Variants in FCRL4 observed in about 807,000 individuals in gnomAD.
FCRL4 encodes the protein Fc receptor-like protein 4.
Under a neutral mutation model 64.1 loss-of-function variants are expected in FCRL4, and 43 were observed. That is an observed-to-expected ratio of 0.67 (90% CI 0.53 to 0.87). The LOEUF (loss-of-function observed/expected upper bound fraction) is 0.87, where lower values mean the gene tolerates loss of function less well. FCRL4 is among the 40% of genes least tolerant of loss of function. FCRL4 has a pLI of 0.00. For synonymous variants in FCRL4, 253 were observed against 239.8 expected (o/e 1.05, Z -0.51); for missense variants, 656 against 613.5 (o/e 1.07, Z -0.73).
At chr1:157,584,465 G>A (rs1407251095) in intron 6 of FCRL4, among the ~76,000 whole-genome samples, 1 of 151,840 alleles carries the variant, frequency 6.6e-6, no homozygotes, top group African/African-American at 2.4e-5. Flanking sequence ...GAACCCAGAA[G>A]GTCAAGGCTG....
At chr1:157,596,781 G>C (rs1652976351) in intron 1 of FCRL4, among the ~76,000 whole-genome samples, 1 of 152,160 alleles carries the variant, frequency 6.6e-6, no homozygotes, top group Non-Finnish European at 1.5e-5. Context: ...ACAGACAGTA[G>C]AGGGTAGTAG....
At chr1:157,592,720 G>A (rs2101687182) in intron 2 of FCRL4, among the ~76,000 whole-genome samples, 1 of 152,298 alleles carries the variant, frequency 6.6e-6, no homozygotes, top group Non-Finnish European at 1.5e-5. Flanking sequence ...ATTTGACCAA[G>A]CCATCCCATT....
Position 157,579,698 on chromosome 1 carries a change from C to CAATA in FCRL4, c.1277+619_1277+622dup, listed in dbSNP as rs1238920563. Among the ~76,000 whole-genome samples, 28 of 75,228 alleles carry CAATA rather than the reference C, an allele frequency of 3.7e-4. No homozygotes were observed. In the East Asian group the frequency reaches 8.0e-3, roughly 21 times the overall value. The allele number at this position is 75,228 out of a possible 152,430, so 49.4% of individuals were successfully genotyped here. A position where few individuals can be genotyped will look rare whatever the true frequency, so the allele number is the denominator to read the frequency against. On this transcript the variant is annotated intron_variant, in intron 8 of 11. Coordinates refer to ENST00000271532, the MANE Select transcript of FCRL4 (RefSeq NM_031282.3). ...TGCCACTGCACTCCAGCCTGGGTGACAATACATACATACATACATACATAC... is the reference window on the plus strand; with the variant it reads ...TGCCACTGCACTCCAGCCTGGGTGACAATAAATACATACATACATACATACATAC...
Position 157,575,693 on chromosome 1 carries a change from A to G in FCRL4, c.1461+6T>C, listed in dbSNP as rs140634688. On this transcript the variant is annotated splice_donor_region_variant and intron_variant, in intron 11 of 11. Coordinates refer to ENST00000271532, the MANE Select transcript of FCRL4 (RefSeq NM_031282.3). ...GGAGATAAAACTGTGGGGAAATGAA[A>G]CTCACCTTATCCTCTAGAAGTGTCC... is the stretch of plus-strand genomic sequence containing the variant. The G allele has an allele frequency of 2.0e-3, 3,228 of 1,613,572 alleles. 17 individuals carry two copies. The highest frequency in any genetic ancestry group is 5.1e-3 in the Middle Eastern group (31 of 6,056).
intron 2 of FCRL4, among the ~76,000 whole-genome samples, chr1:157,595,382 G>A (rs1350992170): frequency 6.6e-6 from 1 of 152,194 alleles, no homozygotes; most frequent in Admixed American, 6.5e-5. Flanking sequence ...TCTACTGGAG[G>A]GAAGGAGAGT....
rs1218381091 is a variant in FCRL4 at position 157,575,031 on chromosome 1, G to A, written c.*493C>T. On this transcript the variant is annotated 3_prime_UTR_variant, in exon 12 of 12. Coordinates refer to ENST00000271532, the MANE Select transcript of FCRL4 (RefSeq NM_031282.3). ...TAAGCTGTGCAGGCAGAAGTGAAGGGGCTTTTCATTGTTTGCACAGTGCCT... is the reference window on the plus strand; with the variant it reads ...TAAGCTGTGCAGGCAGAAGTGAAGGAGCTTTTCATTGTTTGCACAGTGCCT... 2.5e-5 allele frequency: 6 copies of A among 236,454 alleles called. No individual in the cohort carries two copies. Among genetic ancestry groups the A allele is most frequent in the African/African-American group, 1.3e-4 (6 of 44,880 alleles). 14.6% of individuals were successfully genotyped at this position (236,454 alleles called of 1,614,324 possible). A position where few individuals can be genotyped will look rare whatever the true frequency, so the allele number is the denominator to read the frequency against.
intron 2 of FCRL4, among the ~76,000 whole-genome samples, chr1:157,595,067 T>C (rs1652930623): frequency 6.6e-6 from 1 of 151,976 alleles, no homozygotes; most frequent in Non-Finnish European, 1.5e-5. Context: ...ACCGGCTAAT[T>C]TTTTGTATTT....
chr1:157,593,518 C>A (rs1652884898), intron 2 of FCRL4, among the ~76,000 whole-genome samples: 1 of 152,152 alleles, frequency 6.6e-6, no homozygotes, highest in East Asian at 1.9e-4. Context: ...TGCTGTCAGG[C>A]CCTCTTACTT....
At position 157,581,386 on chromosome 1, in the gene FCRL4, G is replaced by C. The variant is rs563118922; in HGVS notation, c.1249+145C>G. On this transcript the variant is annotated intron_variant, in intron 7 of 11. Transcript: ENST00000271532. The stretch of plus-strand genomic sequence containing the variant: ...CAAAACTGCCCCTTAAGGAAGGGAC[G>C]GACGTGAGTGTGTGTGAACGCTGGG... 8 of 634,498 alleles carry C rather than the reference G, an allele frequency of 1.3e-5. No individual in the cohort carries two copies. In the Admixed American group the frequency reaches 2.1e-4, roughly 17 times the overall value. The allele number at this position is 634,498 out of a possible 1,614,324, so 39.3% of individuals were successfully genotyped here.
At chr1:157,576,530 A>G (rs997202117) in intron 10 of FCRL4, among the ~76,000 whole-genome samples, 15 of 152,254 alleles carry the variant, frequency 9.9e-5, no homozygotes, top group Non-Finnish European at 1.9e-4. Flanking sequence ...TGAAGAAACC[A>G]TTCTACAAAT....
intron 6 of FCRL4, among the ~76,000 whole-genome samples, chr1:157,585,777 T>C (rs1652676775): frequency 6.6e-6 from 1 of 152,080 alleles, no homozygotes; most frequent in African/African-American, 2.4e-5. Context: ...AGGTCTGATG[T>C]GTGTGGTGTG....
At chr1:157,593,576 T>C (rs1175405586) in intron 2 of FCRL4, among the ~76,000 whole-genome samples, 4 of 152,186 alleles carry the variant, frequency 2.6e-5, no homozygotes, top group Non-Finnish European at 5.9e-5. Context: ...ATGGGCTGTA[T>C]CTAATTGGCT....
Position 157,588,587 on chromosome 1 carries a change from G to A in FCRL4, c.308-468C>T, listed in dbSNP as rs563533234. 2.6e-5 allele frequency among the ~76,000 whole-genome samples: 4 copies of A among 152,336 alleles called. No homozygotes were observed. In the South Asian group the frequency reaches 6.2e-4, roughly 24 times the overall value. On this transcript the variant is annotated intron_variant, in intron 3 of 11. Transcript: ENST00000271532. ...GGACAGTGGATGTGGTCCTTTATGGGAATTCCATGCTGTTCATATTCTAAT... is the reference window on the plus strand; with the variant it reads ...GGACAGTGGATGTGGTCCTTTATGGAAATTCCATGCTGTTCATATTCTAAT...
At chr1:157,585,344 C>CTCTTTCTTTCTCTCTCTCTT (rs1652655144) in intron 6 of FCRL4, among the ~76,000 whole-genome samples, 1 of 81,276 alleles carries the variant, frequency 1.2e-5, no homozygotes, top group Admixed American at 1.3e-4. Flanking sequence ...CTTTCTCTCT[C>CTCTTTCTTTCTCTCTCTCTT]TCTTTCTTTC....
intron 8 of FCRL4, 110 bp downstream of exon 8, chr1:157,580,211 T>C (rs1261081402): frequency 8.6e-7 from 1 of 1,169,582 alleles, no homozygotes; most frequent in Non-Finnish European, 1.3e-6. Context: ...AATGGAAGTA[T>C]CTAGCCACAG....
chr1:157,581,592 C>T lies in FCRL4; in HGVS notation c.1188G>A (p.Leu396=). ...GLVAAGATGG[L]LSALLLAVAL... is the part of the protein sequence containing the mutation. ...CCACAGCCAGGAGAAGAGCACTGAG[C>T]AGCCCTCCAGTGGCTCCCGCGGCGA... Residue 396 remains leucine (L), a synonymous_variant, in exon 7 of 12, where the codon CTG becomes CTA. Transcript: ENST00000271532. The T allele has an allele frequency of 6.2e-7, 1 of 1,614,100 alleles. No homozygotes were observed. The highest frequency in any genetic ancestry group is 1.1e-5 in the South Asian group (1 of 91,076).
chr1:157,587,821 T>A (rs373491231), intron 4 of FCRL4, 44 bp downstream of exon 4: 3 of 1,550,578 alleles, frequency 1.9e-6, no homozygotes, highest in African/African-American at 1.4e-5. Context: ...CAGTTTCCTA[T>A]CCCTGTCATT....
chr1:157,577,953 A>G (rs752423900), intron 10 of FCRL4, among the ~76,000 whole-genome samples: 1 of 152,148 alleles, frequency 6.6e-6, no homozygotes, highest in Non-Finnish European at 1.5e-5. Context: ...CAAAGCTTAA[A>G]TAAAAGCAAG....
Position 157,581,571 on chromosome 1 carries a change from A to T in FCRL4, c.1209T>A (p.Ala403=). 1 of 1,614,126 alleles carries T rather than the reference A, an allele frequency of 6.2e-7. No homozygotes were observed. The highest frequency in any genetic ancestry group is 8.5e-7 in the Non-Finnish European group (1 of 1,180,004). Residue 403 remains alanine (A), a synonymous_variant, in exon 7 of 12, where the codon GCT becomes GCA. Transcript: ENST00000271532. ...TGGLLSALLL[A]VALLFHCWRR... ...GCCAGCAGTGAAACAGCAGGGCCACAGCCAGGAGAAGAGCACTGAGCAGCC... is the reference window on the plus strand; with the variant it reads ...GCCAGCAGTGAAACAGCAGGGCCACTGCCAGGAGAAGAGCACTGAGCAGCC...
Sources: gnomAD v4.1 joint callset for allele counts (sites outside exome capture counted in the v4.1 genomes callset) on GRCh38, gnomAD v4.1.1 for gene constraint, MANE v1.5 for transcripts, NCBI Gene and HGNC (gene_info 2026-07-23, HGNC 2026-07-21) for gene names.